Variants in CSMD1 observed in about 807,000 individuals in gnomAD.
CSMD1 encodes the protein CUB and Sushi multiple domains 1, also known as CUB and sushi domain-containing protein 1.
A neutral mutation model predicts 417.5 loss-of-function variants in CSMD1; 213 were observed. That is an observed-to-expected ratio of 0.51 (90% CI 0.46 to 0.57). The LOEUF (loss-of-function observed/expected upper bound fraction) is 0.57, where lower values mean the gene tolerates loss of function less well. Among genes scored for constraint, CSMD1 ranks in the 20% least tolerant of loss-of-function variants. The probability of loss-of-function intolerance (pLI) is 0.00; values close to 1 mark genes in which losing one functional copy is unlikely to be tolerated. For synonymous variants in CSMD1, 2,862 were observed against 1,736.8 expected, an observed-to-expected ratio of 1.65 and a Z score of -16.11; for missense variants, 6,923 against 4,529.7, an observed-to-expected ratio of 1.53 and a Z score of -15.17.
At chr8:3,490,124 A>G (rs1818284976) in intron 11 of CSMD1, among the ~76,000 whole-genome samples, 1 of 152,034 alleles carries the variant, frequency 6.6e-6, no homozygotes, top group Non-Finnish European at 1.5e-5. Context: ...GTGTTCGGTT[A>G]TTTTTCTGTG....
intron 3 of CSMD1, among the ~76,000 whole-genome samples, chr8:4,108,547 C>G (rs1239027903): frequency 6.6e-6 from 1 of 152,128 alleles, no homozygotes; most frequent in Non-Finnish European, 1.5e-5. Context: ...AACTGTTTTC[C>G]CAGAAATCAC....
chr8:3,519,446 G>C (rs1451605973), intron 10 of CSMD1, among the ~76,000 whole-genome samples: 3 of 152,140 alleles, frequency 2.0e-5, no homozygotes, highest in African/African-American at 7.2e-5. Context: ...GAAGTTTCTT[G>C]ATCATCTGAG....
Position 4,193,604 on chromosome 8 carries a change from C to G in CSMD1, c.416-161505G>C, listed in dbSNP as rs370554300. On this transcript the variant is annotated intron_variant, in intron 3 of 69. Transcript: ENST00000635120. ...GCAGAGGATGAGGGTCCCACCGGGC[C>G]CTCTGAGGAGCCAATGAGTGTGCTG... is the stretch of plus-strand genomic sequence containing the variant. Among the ~76,000 whole-genome samples the G allele has an allele frequency of 5.3e-5, 8 of 152,128 alleles. No individual in the cohort carries two copies. In the East Asian group the frequency reaches 7.8e-4, roughly 15 times the overall value.
rs534381603 is a variant in CSMD1 at position 3,402,777 on chromosome 8, C to T, written c.2267-3248G>A. On this transcript the variant is annotated intron_variant, in intron 15 of 69. Transcript: ENST00000635120. ...TATTGATATTAACAACTCACTCTTG[C>T]TTTAAATTGTTTATAACACTTGAAT... is the stretch of plus-strand genomic sequence containing the variant. 5.8e-4 allele frequency among the ~76,000 whole-genome samples: 89 copies of T among 152,202 alleles called. 1 individual carries two copies. The highest frequency in any genetic ancestry group is 2.1e-3 in the African/African-American group (89 of 41,556).
At chr8:3,803,125 T>C (rs1334790270) in intron 5 of CSMD1, among the ~76,000 whole-genome samples, 4 of 152,216 alleles carry the variant, frequency 2.6e-5, no homozygotes, top group African/African-American at 9.6e-5. Context: ...GCTGTCTCTT[T>C]GAAGGACTTC....
chr8:4,628,043 A>G (rs1003597461), intron 2 of CSMD1, among the ~76,000 whole-genome samples: 2 of 151,972 alleles, frequency 1.3e-5, no homozygotes, highest in African/African-American at 4.8e-5. Context: ...GGACAAAAAA[A>G]TCACCCCCAG....
chr8:3,679,327 G>A (rs549708587), intron 7 of CSMD1, among the ~76,000 whole-genome samples: 241 of 152,170 alleles, frequency 1.6e-3, no homozygotes, highest in Non-Finnish European at 3.0e-3. Flanking sequence ...TCAAAATAAA[G>A]GGATGGAGGA....
chr8:4,325,467 C>G (rs149367749), intron 3 of CSMD1, among the ~76,000 whole-genome samples: 1 of 152,166 alleles, frequency 6.6e-6, no homozygotes, highest in Non-Finnish European at 1.5e-5. Flanking sequence ...GAATCGTCTA[C>G]TTTCAAGCGC....
chr8:4,636,109 T>A (rs1016865870), intron 2 of CSMD1, among the ~76,000 whole-genome samples: 5 of 152,082 alleles, frequency 3.3e-5, no homozygotes, highest in African/African-American at 1.2e-4. Context: ...CTGTAGAGAT[T>A]TTTTTCTCAT....
At chr8:4,480,403 G>A (rs1490865618) in intron 2 of CSMD1, among the ~76,000 whole-genome samples, 1 of 152,116 alleles carries the variant, frequency 6.6e-6, no homozygotes, top group Non-Finnish European at 1.5e-5. Context: ...ATTTAAGTTT[G>A]TAAAGCGCGT....
At chr8:3,703,576 C>G (rs1241999811) in intron 7 of CSMD1, among the ~76,000 whole-genome samples, 1 of 152,016 alleles carries the variant, frequency 6.6e-6, no homozygotes, top group South Asian at 2.1e-4. Context: ...AAACCCCAAA[C>G]TTTCAAGGGG....
intron 7 of CSMD1, among the ~76,000 whole-genome samples, chr8:3,662,457 G>C (rs1013092671): frequency 1.1e-4 from 17 of 152,256 alleles, no homozygotes; most frequent in South Asian, 2.1e-4. Flanking sequence ...CATTTGGGTT[G>C]GTTCCAAGTC....
intron 2 of CSMD1, among the ~76,000 whole-genome samples, chr8:4,570,149 G>A (rs548587860): frequency 6.6e-6 from 1 of 152,016 alleles, no homozygotes; most frequent in African/African-American, 2.4e-5. Flanking sequence ...TTGCCTGATT[G>A]CCCTGGCCAG....
chr8:4,262,387 A>C (rs1803949620), intron 3 of CSMD1, among the ~76,000 whole-genome samples: 1 of 152,200 alleles, frequency 6.6e-6, no homozygotes, highest in Non-Finnish European at 1.5e-5. Context: ...AAGGAATCCC[A>C]AACCAGAATA....
chr8:4,494,359 G>A (rs910443217), intron 2 of CSMD1, among the ~76,000 whole-genome samples: 2 of 152,106 alleles, frequency 1.3e-5, no homozygotes, highest in African/African-American at 4.8e-5. Flanking sequence ...AGTGACATTT[G>A]AGACTTACTA....
chr8:3,366,959 C>G, intron 20 of CSMD1, 73 bp downstream of exon 20: 1 of 1,153,936 alleles, frequency 8.7e-7, no homozygotes, highest in South Asian at 1.3e-5. Flanking sequence ...CACACACACC[C>G]ACACACATTC....
At chr8:4,778,963 G>C (rs892608175) in intron 1 of CSMD1, among the ~76,000 whole-genome samples, 1 of 152,204 alleles carries the variant, frequency 6.6e-6, no homozygotes, top group African/African-American at 2.4e-5. Context: ...ATAATGTTAA[G>C]AATGTTTAGA....
At chr8:3,017,793 G>GC (rs1443189076) in intron 52 of CSMD1, among the ~76,000 whole-genome samples, 3 of 134,390 alleles carry the variant, frequency 2.2e-5, no homozygotes, top group African/African-American at 8.8e-5. Flanking sequence ...AGTTTCTATG[G>GC]CTTTGAGTGA....
rs534037001 is a variant in CSMD1, at chr8:4,893,391, AT to A, written c.85+100940del. Among the ~76,000 whole-genome samples, 140 of 151,380 alleles carry A rather than the reference AT, an allele frequency of 9.2e-4. 1 individual carries two copies. Among genetic ancestry groups the A allele is most frequent in the Non-Finnish European group, 1.5e-3 (105 of 67,896 alleles). ...TTTACCATGCTTTTATTAATACAGA[AT>A]TTTTTTTCTTAATGTTTATATTCAC... is the stretch of plus-strand genomic sequence containing the variant. On this transcript the variant is annotated intron_variant, in intron 1 of 69. Coordinates refer to ENST00000635120, the MANE Select transcript of CSMD1 (RefSeq NM_033225.6).
Sources: allele counts gnomAD v4.1 joint callset (sites outside exome capture counted in the v4.1 genomes callset), GRCh38; gene constraint gnomAD v4.1.1; transcripts MANE v1.5; gene names NCBI Gene and HGNC (gene_info 2026-07-23, HGNC 2026-07-21).